The following NAALADL2 variants were observed in gnomAD, a reference collection of about 807,000 sequenced individuals.
The protein encoded by NAALADL2 is inactive N-acetylated-alpha-linked acidic dipeptidase-like protein 2.
A neutral mutation model predicts 87.2 loss-of-function variants in NAALADL2; 76 were observed. That is an observed-to-expected ratio of 0.87 (90% CI 0.72 to 1.05). The LOEUF is 1.05. NAALADL2 is among the 50% of genes least tolerant of loss of function. The probability of loss-of-function intolerance (pLI) is 0.00; values close to 1 mark genes in which losing one functional copy is unlikely to be tolerated. For missense variants in NAALADL2, 1,089 were observed against 945.8 expected, an observed-to-expected ratio of 1.15 and a Z score of -1.99; for synonymous variants, 354 against 331.0, an observed-to-expected ratio of 1.07 and a Z score of -0.75.
intron 2 of NAALADL2, among the ~76,000 whole-genome samples, chr3:174,575,777 T>G (rs529253847): frequency 6.6e-6 from 1 of 152,302 alleles, no homozygotes; most frequent in Non-Finnish European, 1.5e-5. Context: ...TATTGTTAAT[T>G]TAGTCATTCA....
chr3:175,348,945 A>C (rs1221970939), intron 5 of NAALADL2, among the ~76,000 whole-genome samples: 1 of 152,216 alleles, frequency 6.6e-6, no homozygotes, highest in Non-Finnish European at 1.5e-5. Context: ...AAAGAAGAAA[A>C]TAAAGCATCC....
At chr3:174,985,966 TAAAAC>T (rs755459857) in intron 1 of NAALADL2, among the ~76,000 whole-genome samples, 1 of 150,792 alleles carries the variant, frequency 6.6e-6, no homozygotes, top group African/African-American at 2.5e-5. Context: ...AAAAACAAAA[TAAAAC>T]AAAAAAAAGC....
At chr3:174,467,851 C>CT (rs1716633182) in intron 1 of NAALADL2, among the ~76,000 whole-genome samples, 1 of 151,854 alleles carries the variant, frequency 6.6e-6, no homozygotes, top group African/African-American at 2.4e-5. Context: ...TAAAATATCT[C>CT]TAACAGAATT....
intron 9 of NAALADL2, among the ~76,000 whole-genome samples, chr3:175,530,224 G>A (rs1310442949): frequency 1.3e-5 from 2 of 152,312 alleles, no homozygotes; most frequent in East Asian, 1.9e-4. Context: ...CTCTGCTGAG[G>A]TCACCCATTG....
chr3:175,759,585 T>G (rs1241360163), intron 13 of NAALADL2, among the ~76,000 whole-genome samples: 2 of 152,086 alleles, frequency 1.3e-5, no homozygotes, highest in African/African-American at 4.8e-5. Flanking sequence ...CTCAAACTCC[T>G]GACCTCGTGA....
rs80227994 is a variant in NAALADL2, at chr3:174,970,227, C to T, written c.43+110777C>T. Among the ~76,000 whole-genome samples, 858 of 152,172 alleles carry T rather than the reference C, an allele frequency of 5.6e-3. 9 individuals are homozygous for T. The highest frequency in any genetic ancestry group is 0.02 in the African/African-American group (822 of 41,522). ...CAGGAACATTAACACAGCATAAAGC[C>T]AATCCCAAGACTACATTTCAATGCA... On this transcript the variant is annotated intron_variant, in intron 1 of 13. Transcript: ENST00000454872.
chr3:175,308,590 G>C (rs569945199), intron 4 of NAALADL2, among the ~76,000 whole-genome samples: 1 of 152,176 alleles, frequency 6.6e-6, no homozygotes, highest in Non-Finnish European at 1.5e-5. Flanking sequence ...ATTAGAGCCA[G>C]GATGGGCTTT....
chr3:174,871,453 T>C (rs1727806769), intron 1 of NAALADL2, among the ~76,000 whole-genome samples: 1 of 152,248 alleles, frequency 6.6e-6, no homozygotes. Context: ...TCTTGTTCCG[T>C]AGCCAGTGAA....
chr3:175,149,441 A>C (rs1731230930), intron 2 of NAALADL2, among the ~76,000 whole-genome samples: 1 of 152,192 alleles, frequency 6.6e-6, no homozygotes, highest in Non-Finnish European at 1.5e-5. Flanking sequence ...ATTAAAACTC[A>C]CATCTCCTAA....
At chr3:175,293,881 G>A (rs1755976978) in intron 4 of NAALADL2, among the ~76,000 whole-genome samples, 1 of 152,144 alleles carries the variant, frequency 6.6e-6, no homozygotes, top group African/African-American at 2.4e-5. Context: ...TTAATATGCA[G>A]ACTGAGGTTT....
chr3:175,524,728 G>A (rs1212205837), intron 9 of NAALADL2, among the ~76,000 whole-genome samples: 2 of 152,072 alleles, frequency 1.3e-5, no homozygotes, highest in Non-Finnish European at 2.9e-5. Context: ...AGCAGACACT[G>A]AAGATATAAA....
chr3:175,184,641 A>T (rs944643208), intron 2 of NAALADL2, among the ~76,000 whole-genome samples: 2 of 151,976 alleles, frequency 1.3e-5, no homozygotes, highest in African/African-American at 2.4e-5. Context: ...GTAGTGCTTT[A>T]TAGATTTTTG....
At chr3:175,217,449 A>C (rs1463345826) in intron 2 of NAALADL2, among the ~76,000 whole-genome samples, 1 of 152,212 alleles carries the variant, frequency 6.6e-6, no homozygotes, top group South Asian at 2.1e-4. Flanking sequence ...TGTACCAAAA[A>C]TTAGTTCCAG....
At chr3:175,409,121 C>A (rs536864588) in intron 5 of NAALADL2, among the ~76,000 whole-genome samples, 1 of 151,848 alleles carries the variant, frequency 6.6e-6, no homozygotes, top group Non-Finnish European at 1.5e-5. Context: ...TTCTTTTCCA[C>A]ATGAACTCTA....
chr3:175,250,884 A>G (rs1011353135), intron 3 of NAALADL2, among the ~76,000 whole-genome samples: 1 of 152,160 alleles, frequency 6.6e-6, no homozygotes, highest in Non-Finnish European at 1.5e-5. Context: ...GTGTAATAGT[A>G]CATTTCTTCA....
intron 1 of NAALADL2, among the ~76,000 whole-genome samples, chr3:175,031,647 G>A (rs1434278349): frequency 6.6e-6 from 1 of 152,036 alleles, no homozygotes; most frequent in African/African-American, 2.4e-5. Flanking sequence ...TAGTGAGATT[G>A]CTGGATCAAA....
At chr3:175,353,376 C>T (rs1362139842) in intron 5 of NAALADL2, among the ~76,000 whole-genome samples, 3 of 152,030 alleles carry the variant, frequency 2.0e-5, no homozygotes, top group South Asian at 2.1e-4. Context: ...TATTAGTATT[C>T]GTTCAGCACA....
At chr3:175,599,837 T>G (rs1248417813) in intron 10 of NAALADL2, among the ~76,000 whole-genome samples, 1 of 152,150 alleles carries the variant, frequency 6.6e-6, no homozygotes, top group Non-Finnish European at 1.5e-5. Context: ...TAGAAACAGT[T>G]TAAGATATTT....
At chr3:175,412,254 T>C (rs1331265079) in intron 5 of NAALADL2, among the ~76,000 whole-genome samples, 5 of 152,234 alleles carry the variant, frequency 3.3e-5, no homozygotes, top group African/African-American at 9.6e-5. Flanking sequence ...AGATAGATTA[T>C]GTATGTGCAC....
Sources: gnomAD v4.1 joint callset for allele counts (sites outside exome capture counted in the v4.1 genomes callset) on GRCh38, gnomAD v4.1.1 for gene constraint, MANE v1.5 for transcripts, NCBI Gene and HGNC (gene_info 2026-07-23, HGNC 2026-07-21) for gene names.